The following SLC12A9 variants were observed in gnomAD, a reference collection of about 807,000 sequenced individuals.
SLC12A9 encodes CCC-interacting protein 1.
A neutral mutation model predicts 66.0 loss-of-function variants in SLC12A9; 55 were observed. The observed-to-expected ratio is 0.83, with a 90% CI of 0.67 to 1.04. The LOEUF (loss-of-function observed/expected upper bound fraction) is 1.04. SLC12A9 is among the 50% of genes least tolerant of loss of function. SLC12A9 has a pLI of 0.00. For synonymous variants in SLC12A9, 577 were observed against 569.0 expected, an observed-to-expected ratio of 1.01 and a Z score of -0.20; for missense variants, 1,061 against 1,241.9, an observed-to-expected ratio of 0.85 and a Z score of 2.19.
At chr7:100,859,205 G>A in intron 7 of SLC12A9, 44 bp downstream of exon 7, 1 of 1,569,302 alleles carries the variant, frequency 6.4e-7, no homozygotes, top group Non-Finnish European at 8.8e-7. Flanking sequence ...CAAGATTGGT[G>A]CACCTGGGTC....
chr7:100,865,946 A>C lies in SLC12A9; in HGVS notation c.2086A>C (p.Asn696His). 1 of 1,613,218 alleles carries C rather than the reference A, an allele frequency of 6.2e-7. No individual in the cohort carries two copies. The highest frequency in any genetic ancestry group is 8.5e-7 in the Non-Finnish European group (1 of 1,179,970). Residue 696 changes from asparagine (N) to histidine (H), a missense_variant, in exon 14 of 14, where the codon AAT (asparagine) becomes CAT (histidine). Physicochemically the swap from Asn to His is moderately conservative, Grantham distance 68. Coordinates refer to ENST00000354161, the MANE Select transcript of SLC12A9 (RefSeq NM_020246.4). ...GGCCGACGCCCTCAAGATGAACAAG[A>C]ATGTGGTGCTGGCCCGGGCCAGCGG... ...TVADALKMNK[N>H]VVLARASGAL...
At chr7:100,865,594 C>T (rs1037485805) in intron 13 of SLC12A9, 125 bp from the exon 14 acceptor site, 15 of 1,567,426 alleles carry the variant, frequency 9.6e-6, no homozygotes, top group Middle Eastern at 2.3e-4. Flanking sequence ...CGTAAGAGCC[C>T]GTACACAGTG....
chr7:100,837,563 C>CGGATTCCGGA (rs1813686611), intron 1 of SLC12A9: 1 of 152,226 alleles, frequency 6.6e-6, no homozygotes, highest in Non-Finnish European at 1.5e-5. Flanking sequence ...TGCAGTGGGG[C>CGGATTCCGGA]GGATTCCGGA....
At chr7:100,837,733 A>G (rs2116511563) in intron 1 of SLC12A9, among the ~76,000 whole-genome samples, 1 of 152,100 alleles carries the variant, frequency 6.6e-6, no homozygotes, top group African/African-American at 2.4e-5. Context: ...GTCATACCTC[A>G]TTGCAGCCTC....
intron 1 of SLC12A9, among the ~76,000 whole-genome samples, chr7:100,834,952 C>A (rs565071556): frequency 6.6e-6 from 1 of 151,884 alleles, no homozygotes; most frequent in Admixed American, 6.6e-5. Flanking sequence ...GATTGCTTGA[C>A]CCCAGGAGGT....
chr7:100,842,751 T>C (rs1420529521), intron 1 of SLC12A9, among the ~76,000 whole-genome samples: 1 of 152,276 alleles, frequency 6.6e-6, no homozygotes, highest in African/African-American at 2.4e-5. Context: ...GCAATTGTTA[T>C]GCTTGTGCAC....
upstream of SLC12A9, among the ~76,000 whole-genome samples, chr7:100,850,255 C>T (rs1272681295): frequency 2.4e-5 from 3 of 125,076 alleles, no homozygotes; most frequent in Admixed American, 8.0e-5. Context: ...CCTTTTCTTT[C>T]TTTCTTTTTT....
chr7:100,827,886 C>T (rs1184174717), intron 1 of SLC12A9, among the ~76,000 whole-genome samples: 1 of 152,238 alleles, frequency 6.6e-6, no homozygotes, highest in Non-Finnish European at 1.5e-5. Flanking sequence ...ACACGGAGGG[C>T]CGCCCAGGCG....
In SLC12A9 at chr7:100,866,703, C is replaced by A; in HGVS notation, c.*98C>A. ...GAGGAGGCCACTGTGGCCCGTGGCC[C>A]TGCCCTTGGGACGTGGAGCCCAGGG... is the stretch of plus-strand genomic sequence containing the variant. On this transcript the variant is annotated 3_prime_UTR_variant, in exon 14 of 14. Coordinates refer to ENST00000354161, the MANE Select transcript of SLC12A9 (RefSeq NM_020246.4). The surrounding 1 kb of genome is among the most constrained non-coding windows in gnomAD (Gnocchi z 7.3). The A allele has an allele frequency of 7.7e-7, 1 of 1,306,974 alleles. No individual in the cohort carries two copies. The highest frequency in any genetic ancestry group is 1.6e-5 in the South Asian group (1 of 62,024). 81.0% of individuals were successfully genotyped at this position (1,306,974 alleles called of 1,614,324 possible). A position where few individuals can be genotyped will look rare whatever the true frequency, so the allele number is the denominator to read the frequency against.
intron 1 of SLC12A9, among the ~76,000 whole-genome samples, chr7:100,843,448 C>A (rs1441365455): frequency 6.6e-6 from 1 of 152,222 alleles, no homozygotes; most frequent in Non-Finnish European, 1.5e-5. Flanking sequence ...AAGAAAAACT[C>A]ATGTCGGCCC....
chr7:100,854,596 C>G (rs765246486), intron 2 of SLC12A9, 24 bp from the exon 3 acceptor site: 29 of 1,613,566 alleles, frequency 1.8e-5, no homozygotes, highest in Non-Finnish European at 2.5e-5. Flanking sequence ...TCCCCTGTGA[C>G]CTGATTTGCT....
At chr7:100,847,286 C>T (rs1032526766) in intron 1 of SLC12A9, among the ~76,000 whole-genome samples, 1 of 152,198 alleles carries the variant, frequency 6.6e-6, no homozygotes, top group African/African-American at 2.4e-5. Context: ...AGGCGTGAGC[C>T]ACCGCGCCCA....
intron 13 of SLC12A9, chr7:100,865,417 C>A: frequency 4.6e-6 from 7 of 1,536,188 alleles, no homozygotes; most frequent in Non-Finnish European, 6.1e-6. Context: ...CGGGAGTGGA[C>A]AGCATCCTCC....
At chr7:100,833,025 C>T (rs1258071402) in intron 1 of SLC12A9, among the ~76,000 whole-genome samples, 1 of 152,152 alleles carries the variant, frequency 6.6e-6, no homozygotes, top group Non-Finnish European at 1.5e-5. Flanking sequence ...ATTGTCTAGC[C>T]TCAGCCTCCC....
rs759944996 is a variant in SLC12A9 at position 100,854,300 on chromosome 7, C to T, written c.103C>T (p.Arg35Trp). ...CGGGGGTCCTGGAGGGGCGTCTGCC[C>T]GGAAGCTGTCCACCTTCCTGGGTGT... ...GAGGPGGASA[R>W]KLSTFLGVVV... The change falls in exon 2 of 14, where the codon CGG becomes TGG. Residue 35 changes from arginine (R) to tryptophan (W), a missense_variant. Arg to Trp is a moderately radical substitution (Grantham distance 101). Coordinates refer to ENST00000354161, the MANE Select transcript of SLC12A9 (RefSeq NM_020246.4). 9 of 1,604,446 alleles carry T rather than the reference C, an allele frequency of 5.6e-6. No individual in the cohort carries two copies. The highest frequency in any genetic ancestry group is 2.2e-5 in the South Asian group (2 of 89,616).
chr7:100,866,470 C>G lies in SLC12A9; in HGVS notation c.2610C>G (p.Phe870Leu). The G allele has an allele frequency of 8.4e-6, 13 of 1,551,512 alleles. No individual in the cohort carries two copies. The highest frequency in any genetic ancestry group is 1.1e-5 in the Non-Finnish European group (13 of 1,148,202). The change falls in exon 14 of 14, where the codon TTC (phenylalanine) becomes TTG (leucine). Residue 870 changes from phenylalanine (F) to leucine (L), a missense_variant. Transcript: ENST00000354161. The surrounding 1 kb of genome is among the most constrained non-coding windows in gnomAD (Gnocchi z 7.3). ...AGGGCCCCATCACAGCCCTCACCTT[C>G]CTGTACTTGCCTCGGCCGCCAGCCG... is the stretch of plus-strand genomic sequence containing the variant. ...DAEGPITALT[F>L]LYLPRPPADP...
Position 100,860,251 on chromosome 7 carries a change from G to A in SLC12A9, c.1218+19G>A. 2 of 1,611,542 alleles carry A rather than the reference G, an allele frequency of 1.2e-6. No homozygotes were observed. The highest frequency in any genetic ancestry group is 1.7e-6 in the Non-Finnish European group (2 of 1,178,572). On this transcript the variant is annotated intron_variant, in intron 9 of 13. Transcript: ENST00000354161. ...GGTGCAGGTGAGCCTTCTTCTTCAAGGGGCCCTTTCCCTCACCCCACCAGC... is the reference window on the plus strand; with the variant it reads ...GGTGCAGGTGAGCCTTCTTCTTCAAAGGGCCCTTTCCCTCACCCCACCAGC...
chr7:100,865,640 C>CA, intron 13 of SLC12A9, 79 bp from the exon 14 acceptor site: 1 of 1,556,180 alleles, frequency 6.4e-7, no homozygotes, highest in Non-Finnish European at 8.7e-7. Flanking sequence ...ACCTTGCTGT[C>CA]AGTGTGTGGG....
intron 5 of SLC12A9, 62 bp downstream of exon 5, chr7:100,857,238 GC>G: frequency 6.5e-7 from 1 of 1,547,380 alleles, no homozygotes; most frequent in Non-Finnish European, 8.8e-7. Flanking sequence ...GTCGGGCCGG[GC>G]CCGTAAAACC....
Sources: allele counts gnomAD v4.1 joint callset (sites outside exome capture counted in the v4.1 genomes callset), GRCh38; gene constraint gnomAD v4.1.1; non-coding constraint Gnocchi (gnomAD v3.1); transcripts MANE v1.5; gene names NCBI Gene and HGNC (gene_info 2026-07-23, HGNC 2026-07-21).